The following TRIM21 variants were observed in gnomAD, a reference collection of about 807,000 sequenced individuals.
The protein encoded by TRIM21 is E3 ubiquitin-protein ligase TRIM21.
In TRIM21, 35 loss-of-function variants were observed where a neutral mutation model predicts 36.1. The ratio of observed to expected loss-of-function variants is 0.97; its 90% CI spans 0.74 to 1.28. The LOEUF (loss-of-function observed/expected upper bound fraction) is 1.28. Among genes scored for constraint, TRIM21 ranks in the 50% most tolerant of loss-of-function variants. The pLI is 0.00. For synonymous variants in TRIM21, 256 were observed against 211.5 expected, an observed-to-expected ratio of 1.21 and a Z score of -1.83; for missense variants, 635 against 570.7, an observed-to-expected ratio of 1.11 and a Z score of -1.15.
intron 1 of TRIM21, among the ~76,000 whole-genome samples, chr11:4,390,821 A>T (rs2094962245): frequency 6.6e-6 from 1 of 152,228 alleles, no homozygotes; most frequent in South Asian, 2.1e-4. Flanking sequence ...ACATACAGTG[A>T]GGAAAGGACA....
rs191468264 is a variant in TRIM21 at position 4,390,049 on chromosome 11, G to C, written c.361C>G (p.Arg121Gly). The part of the protein sequence containing the change: ...CWVCAQSRKH[R>G]DHAMVPLEEA... Reference sequence around the variant, plus strand: ...TCAAGAGGGACCATGGCGTGGTCACGGTGTTTCCGAGACTGGGCACATACC... The same window carrying C: ...TCAAGAGGGACCATGGCGTGGTCACCGTGTTTCCGAGACTGGGCACATACC... The change falls in exon 2 of 7, where the codon CGT (arginine) becomes GGT (glycine). Residue 121 changes from arginine to glycine, a missense_variant. Arg to Gly is a moderately radical substitution (Grantham distance 125). Transcript: ENST00000254436. 1 of 1,613,934 alleles carries C rather than the reference G, an allele frequency of 6.2e-7. No individual in the cohort carries two copies. Among genetic ancestry groups the C allele is most frequent in the Non-Finnish European group, 8.5e-7 (1 of 1,179,884 alleles).
At chr11:4,385,927 T>G (rs2094955832) in intron 6 of TRIM21, 74 bp from the exon 7 acceptor site, 1 of 1,404,014 alleles carries the variant, frequency 7.1e-7, no homozygotes, top group Non-Finnish European at 9.6e-7. Flanking sequence ...TGGGGGGATT[T>G]TGTGTAAACT....
At position 4,385,764 on chromosome 11, in the gene TRIM21, T is replaced by A. The variant is rs774727142; in HGVS notation, c.949A>T (p.Ser317Cys). The change falls in exon 7 of 7, where the codon AGC (serine) becomes TGC (cysteine). Residue 317 changes from serine to cysteine, a missense_variant. Ser to Cys is a moderately radical substitution (Grantham distance 112). Transcript: ENST00000254436. ...AATCTCTCTTCATTTCCAGGTATGC[T>A]CTGCTGGGTGTCTCCAAGCCTCACT... Reference protein sequence around the residue: ...RQVRLGDTQQSIPGNEERFDS... With the variant: ...RQVRLGDTQQCIPGNEERFDS... 1.2e-6 allele frequency: 2 copies of A among 1,613,620 alleles called. No homozygotes were observed. Among genetic ancestry groups the A allele is most frequent in the Non-Finnish European group, 1.7e-6 (2 of 1,179,808 alleles).
At position 4,385,126 on chromosome 11, in the gene TRIM21, A is replaced by C. The variant is rs2094954522; in HGVS notation, c.*159T>G. ...AATCACAAAGCCATCTGGGGCAGGAATGTTGATGGTGAAGTGACTTCCCTG... is the reference window on the plus strand; with the variant it reads ...AATCACAAAGCCATCTGGGGCAGGACTGTTGATGGTGAAGTGACTTCCCTG... On this transcript the variant is annotated 3_prime_UTR_variant, in exon 7 of 7. Coordinates refer to ENST00000254436, the MANE Select transcript of TRIM21 (RefSeq NM_003141.4). The C allele has an allele frequency of 1.5e-6, 1 of 649,058 alleles. No individual in the cohort carries two copies. Among genetic ancestry groups the C allele is most frequent in the African/African-American group, 1.8e-5 (1 of 54,800 alleles). 40.2% of individuals were successfully genotyped at this position (649,058 alleles called of 1,614,324 possible).
At position 4,390,073 on chromosome 11, in the gene TRIM21, C is replaced by T. The variant is rs762085934; in HGVS notation, c.337G>A (p.Val113Ile). 1 of 1,613,878 alleles carries T rather than the reference C, an allele frequency of 6.2e-7. No individual in the cohort carries two copies. The highest frequency in any genetic ancestry group is 8.5e-7 in the Non-Finnish European group (1 of 1,179,904). Residue 113 changes from valine (V) to isoleucine (I), a missense_variant, in exon 2 of 7, where the codon GTA (valine) becomes ATA (isoleucine). Coordinates refer to ENST00000254436, the MANE Select transcript of TRIM21 (RefSeq NM_003141.4). ...CEKDGKALCW[V>I]CAQSRKHRDH... is the part of the protein sequence containing the mutation. ...CGGTGTTTCCGAGACTGGGCACATA[C>T]CCAGCAAAGGGCCTTCCCATCTTTC...
chr11:4,386,334 G>A, intron 5 of TRIM21, 77 bp from the exon 6 acceptor site: 1 of 1,201,042 alleles, frequency 8.3e-7, no homozygotes, highest in Non-Finnish European at 1.2e-6. Flanking sequence ...CATTGTGGAG[G>A]ACTCCGATAA....
rs774369830 is a variant in TRIM21 at position 4,385,456 on chromosome 11, G to A, written c.1257C>T (p.Ser419=). 6.8e-6 allele frequency: 11 copies of A among 1,612,892 alleles called. No homozygotes were observed. In the East Asian group the frequency reaches 1.3e-4, roughly 20 times the overall value. The stretch of plus-strand genomic sequence containing the variant: ...AGCCATGGTCAGTGATGTTGTAGAA[G>A]GAGACCATGCCAGCCTCATAGTCCA... ...IFLDYEAGMV[S]FYNITDHGSL... is the part of the protein sequence containing the mutation. Residue 419 remains serine, a synonymous_variant, in exon 7 of 7, where the codon TCC becomes TCT. Coordinates refer to ENST00000254436, the MANE Select transcript of TRIM21 (RefSeq NM_003141.4).
At chr11:4,392,919 G>A (rs2094964740) in intron 1 of TRIM21, among the ~76,000 whole-genome samples, 1 of 152,096 alleles carries the variant, frequency 6.6e-6, no homozygotes, top group Admixed American at 6.6e-5. Context: ...TACCTTCCAT[G>A]TGCCAGAGAT....
Position 4,385,390 on chromosome 11 carries a change from A to G in TRIM21, c.1323T>C (p.Pro441=), listed in dbSNP as rs1034437314. The G allele has an allele frequency of 1.5e-5, 24 of 1,613,892 alleles. No individual in the cohort carries two copies. Among genetic ancestry groups the G allele is most frequent in the Non-Finnish European group, 2.0e-5 (24 of 1,179,856 alleles). ...AACCAGGACTGAAGAAGGGCCGCAGAGGTCCTGTAAAGGCACATTCAGAGA... is the reference window on the plus strand; with the variant it reads ...AACCAGGACTGAAGAAGGGCCGCAGGGGTCCTGTAAAGGCACATTCAGAGA... ...YSFSECAFTG[P]LRPFFSPGFN... is the part of the protein sequence containing the mutation. Residue 441 remains proline (P), a synonymous_variant, in exon 7 of 7, where the codon CCT becomes CCC. Transcript: ENST00000254436.
intron 4 of TRIM21, among the ~76,000 whole-genome samples, chr11:4,387,805 T>C (rs1375703748): frequency 6.6e-6 from 1 of 151,720 alleles, no homozygotes; most frequent in African/African-American, 2.4e-5. Flanking sequence ...CACTCCAGCC[T>C]GGGCAACAAG....
At chr11:4,388,633 T>A in intron 3 of TRIM21, 103 bp from the exon 4 acceptor site, 2 of 1,108,144 alleles carry the variant, frequency 1.8e-6, no homozygotes, top group Non-Finnish European at 2.6e-6. Flanking sequence ...GACTCCACTC[T>A]GTGCTGTCTG....
At position 4,389,710 on chromosome 11, in the gene TRIM21, G is replaced by C; in HGVS notation, c.448C>G (p.Gln150Glu). The C allele has an allele frequency of 6.2e-7, 1 of 1,613,916 alleles. No homozygotes were observed. Among genetic ancestry groups the C allele is most frequent in the Non-Finnish European group, 8.5e-7 (1 of 1,179,888 alleles). ...QVALGELRRK[Q>E]ELAEKLEVEI... ...ACTTCCAACTTCTCAGCCAACTCCT[G>C]CTTTCTTCTCAGTTCCCCTAATGCC... The change falls in exon 3 of 7, where the codon CAG becomes GAG. Residue 150 changes from glutamine (Q) to glutamate (E), a missense_variant. Transcript: ENST00000254436.
In TRIM21 at chr11:4,385,275, G is replaced by C. The variant is rs776971189; in HGVS notation, c.*10C>G. On this transcript the variant is annotated 3_prime_UTR_variant, in exon 7 of 7. Transcript: ENST00000254436. ...CCAATGGGGAGAGTGGCAGTGTCCAGAGAAAGCCATCAATAGTCAGTGGAT... is the reference window on the plus strand; with the variant it reads ...CCAATGGGGAGAGTGGCAGTGTCCACAGAAAGCCATCAATAGTCAGTGGAT... The C allele has an allele frequency of 6.2e-7, 1 of 1,604,922 alleles. No individual in the cohort carries two copies. Among genetic ancestry groups the C allele is most frequent in the Non-Finnish European group, 8.5e-7 (1 of 1,175,754 alleles).
In TRIM21 at chr11:4,390,090, C is replaced by A; in HGVS notation, c.320G>T (p.Gly107Val). The change falls in exon 2 of 7, where the codon GGG (glycine) becomes GTG (valine). Residue 107 changes from glycine to valine, a missense_variant. Transcript: ENST00000254436. ...ERLHLFCEKDGKALCWVCAQS... is the reference protein window; with the variant it reads ...ERLHLFCEKDVKALCWVCAQS... ...GGCACATACCCAGCAAAGGGCCTTC[C>A]CATCTTTCTCACAGAACAGGTGAAG... 2 of 1,614,018 alleles carry A rather than the reference C, an allele frequency of 1.2e-6. No homozygotes were observed.
chr11:4,386,033 T>G, intron 6 of TRIM21, 124 bp downstream of exon 6: 3 of 1,090,624 alleles, frequency 2.8e-6, no homozygotes, highest in Non-Finnish European at 4.0e-6. Flanking sequence ...CCATCTTCCT[T>G]ACCTCCATCT....
Position 4,388,469 on chromosome 11 carries a change from AG to A in TRIM21, c.565del (p.Leu189TrpfsTer20), listed in dbSNP as rs867315853. ...HAEFVQQKNF[L>X]VEEEQRQLQE... ...CAGCTGCCTCTGTTCTTCTTCAACCAGGAAGTTTTTTTGCTGCACAAACTCT... is the reference window on the plus strand; with the variant it reads ...CAGCTGCCTCTGTTCTTCTTCAACCAGAAGTTTTTTTGCTGCACAAACTCT... On this transcript the variant is annotated frameshift_variant, in exon 4 of 7. Coordinates refer to ENST00000254436, the MANE Select transcript of TRIM21 (RefSeq NM_003141.4). LOFTEE classifies it high-confidence loss of function. 3 of 1,613,320 alleles carry A rather than the reference AG, an allele frequency of 1.9e-6. No individual in the cohort carries two copies. The African/African-American group carries it at 4.0e-5, about 22-fold the overall frequency.
chr11:4,391,975 T>A (rs1412503441), intron 1 of TRIM21, among the ~76,000 whole-genome samples: 1 of 152,014 alleles, frequency 6.6e-6, no homozygotes, highest in East Asian at 1.9e-4. Context: ...GATGGGATGG[T>A]TAATGGGTAC....
intron 1 of TRIM21, among the ~76,000 whole-genome samples, chr11:4,391,680 T>C (rs903211578): frequency 5.3e-5 from 8 of 151,992 alleles, no homozygotes; most frequent in Admixed American, 4.6e-4. Flanking sequence ...AATCTAAGAG[T>C]CCATCAACAG....
At chr11:4,393,389 G>C (rs868760573) in intron 1 of TRIM21, among the ~76,000 whole-genome samples, 2 of 152,160 alleles carry the variant, frequency 1.3e-5, no homozygotes, top group Admixed American at 1.3e-4. Flanking sequence ...TCCCAGGTAG[G>C]GGGCAGCCGG....
Sources: allele counts gnomAD v4.1 joint callset (sites outside exome capture counted in the v4.1 genomes callset), GRCh38; gene constraint gnomAD v4.1.1; transcripts MANE v1.5; gene names NCBI Gene and HGNC (gene_info 2026-07-23, HGNC 2026-07-21).